PTPN18: variants seen among roughly 807,000 people sequenced by gnomAD.
PTPN18 encodes tyrosine-protein phosphatase non-receptor type 18.
In PTPN18, 65 loss-of-function variants were observed where a neutral mutation model predicts 65.4. That is an observed-to-expected ratio of 0.99 (90% CI 0.81 to 1.22). PTPN18 has a LOEUF of 1.22. Ranked by LOEUF, PTPN18 falls within the 50% of genes most tolerant of loss-of-function variation. The pLI is 0.00. For missense variants in PTPN18, 616 were observed against 646.5 expected, an observed-to-expected ratio of 0.95 and a Z score of 0.51; for synonymous variants, 255 against 267.8, an observed-to-expected ratio of 0.95 and a Z score of 0.47.
Position 130,374,830 on chromosome 2 carries a change from A to G in PTPN18, c.*1606A>G. 2.5e-6 allele frequency: 1 copy of G among 407,958 alleles called. No individual in the cohort carries two copies. The highest frequency in any genetic ancestry group is 5.0e-6 in the Non-Finnish European group (1 of 201,746). 25.3% of individuals were successfully genotyped at this position (407,958 alleles called of 1,614,324 possible). A position where few individuals can be genotyped will look rare whatever the true frequency, so the allele number is the denominator to read the frequency against. On this transcript the variant is annotated 3_prime_UTR_variant, in exon 15 of 15. Coordinates refer to ENST00000175756, the MANE Select transcript of PTPN18 (RefSeq NM_014369.4). ...CATGGTCGATCTCAAGTGCCTTGGC[A>G]TGAACTCCACTCTCCTGCAGCCTTC...
At chr2:130,370,831 AT>A in intron 10 of PTPN18, 43 bp from the exon 11 acceptor site, 5 of 1,612,292 alleles carry the variant, frequency 3.1e-6, no homozygotes, top group Non-Finnish European at 4.2e-6. Context: ...CACTGCTGTC[AT>A]TTGCCCCTGC....
At chr2:130,371,891 A>C in intron 12 of PTPN18, 1 of 239,726 alleles carries the variant, frequency 4.2e-6, no homozygotes, top group Non-Finnish European at 8.1e-6. Context: ...GGTGCTGCGG[A>C]CATGGGATTG....
At chr2:130,357,712 T>C (rs1389855134) in intron 1 of PTPN18, among the ~76,000 whole-genome samples, 2 of 151,960 alleles carry the variant, frequency 1.3e-5, no homozygotes, top group African/African-American at 2.4e-5. Flanking sequence ...AAAAATTAGC[T>C]GGGCGTGGTG....
chr2:130,372,032 T>C, intron 12 of PTPN18: 1 of 519,076 alleles, frequency 1.9e-6, no homozygotes, highest in Non-Finnish European at 3.4e-6. Context: ...ACCAACACTC[T>C]GCCCCAAATT....
intron 1 of PTPN18, chr2:130,356,709 G>A (rs1679983045): frequency 2.3e-6 from 1 of 443,906 alleles, no homozygotes; most frequent in Admixed American, 2.4e-5. Flanking sequence ...TTCCCGTCCC[G>A]AATCCGCGTC....
chr2:130,372,530 C>A (rs1242864470), intron 13 of PTPN18, 47 bp downstream of exon 13: 5 of 1,400,514 alleles, frequency 3.6e-6, no homozygotes, highest in Non-Finnish European at 4.6e-6. Flanking sequence ...TGCTGTGATC[C>A]GCAGGGCGGA....
Position 130,373,079 on chromosome 2 carries a change from G to A in PTPN18, c.1316-78G>A, listed in dbSNP as rs1389829638. ...GAACCAGGAGGACCTGGAGGCGGGG[G>A]GATGGCCTTCTTCATGTCTGCCAGC... On this transcript the variant is annotated intron_variant, in intron 14 of 14. Transcript: ENST00000175756. The surrounding 1 kb of genome is among the most constrained non-coding windows in gnomAD (Gnocchi z 4.1). 1.9e-6 allele frequency: 3 copies of A among 1,542,064 alleles called. No homozygotes were observed. The highest frequency in any genetic ancestry group is 2.7e-6 in the Non-Finnish European group (3 of 1,129,794).
At position 130,369,646 on chromosome 2, in the gene PTPN18, A is replaced by T. The variant is rs143503219; in HGVS notation, c.484-119A>T. The stretch of plus-strand genomic sequence containing the variant: ...GAAAGTTTGGGCTATATGAATTTTT[A>T]AAATGTTTTCTGTATTTGATTTTTT... On this transcript the variant is annotated intron_variant, in intron 6 of 14. Transcript: ENST00000175756. 183 of 1,106,596 alleles carry T rather than the reference A, an allele frequency of 1.7e-4. No individual in the cohort carries two copies. The African/African-American group carries it at 2.7e-3, about 17-fold the overall frequency. 68.5% of individuals were successfully genotyped at this position (1,106,596 alleles called of 1,614,324 possible).
At chr2:130,357,856 A>C (rs1176627928) in intron 1 of PTPN18, among the ~76,000 whole-genome samples, 4 of 76,420 alleles carry the variant, frequency 5.2e-5, no homozygotes, top group African/African-American at 4.0e-4. Context: ...ACTCCATCTC[A>C]AAAAAAAAAA....
chr2:130,363,855 C>T (rs1028273072), intron 5 of PTPN18, among the ~76,000 whole-genome samples: 2 of 151,836 alleles, frequency 1.3e-5, no homozygotes, highest in African/African-American at 2.4e-5. Flanking sequence ...GAGGAAGTGC[C>T]AAACTGTTTT....
chr2:130,362,398 G>T, intron 5 of PTPN18: 2 of 250,514 alleles, frequency 8.0e-6, no homozygotes, highest in South Asian at 3.6e-5. Flanking sequence ...TGCTCTGTTT[G>T]TTCTTTTCTT....
In PTPN18 at chr2:130,358,848, A is replaced by G. The variant is rs1680083317; in HGVS notation, c.94-19A>G. The G allele has an allele frequency of 6.3e-7, 1 of 1,595,030 alleles. No individual in the cohort carries two copies. The highest frequency in any genetic ancestry group is 1.3e-5 in the African/African-American group (1 of 74,330). On this transcript the variant is annotated intron_variant, in intron 1 of 14. Coordinates refer to ENST00000175756, the MANE Select transcript of PTPN18 (RefSeq NM_014369.4). ...TCCTGTCTTCTCCCCTCCCTGACCCACTCATAATGCTCTACCAGGACATCC... is the reference window on the plus strand; with the variant it reads ...TCCTGTCTTCTCCCCTCCCTGACCCGCTCATAATGCTCTACCAGGACATCC...
At chr2:130,365,874 C>T (rs973450318) in intron 5 of PTPN18, among the ~76,000 whole-genome samples, 1 of 152,132 alleles carries the variant, frequency 6.6e-6, no homozygotes, top group Admixed American at 6.5e-5. Context: ...AATTAATTGG[C>T]CATAAATATA....
rs746082505 is a variant in PTPN18 at position 130,359,542 on chromosome 2, C to T, written c.375+50C>T. ...ATGGTGGGGTCAACATCTAAGTACC[C>T]CCTCGGCAGTTTCCCTGGCCCCCTC... On this transcript the variant is annotated intron_variant, in intron 4 of 14. Coordinates refer to ENST00000175756, the MANE Select transcript of PTPN18 (RefSeq NM_014369.4). 1.9e-6 allele frequency: 3 copies of T among 1,612,568 alleles called. No individual in the cohort carries two copies. In the South Asian group the frequency reaches 3.3e-5, roughly 18 times the overall value.
Position 130,369,163 on chromosome 2 carries a change from C to T in PTPN18, c.445C>T (p.Gln149Ter), listed in dbSNP as rs1308214489. 1.9e-6 allele frequency: 3 copies of T among 1,613,366 alleles called. No homozygotes were observed. The highest frequency in any genetic ancestry group is 2.5e-6 in the Non-Finnish European group (3 of 1,179,658). ...GTGTGAGCGGTACTGGGCCCAGGAGCAGGAGCCACTGCAGACTGGGCTTTT... is the reference window on the plus strand; with the variant it reads ...GTGTGAGCGGTACTGGGCCCAGGAGTAGGAGCCACTGCAGACTGGGCTTTT... The part of the protein sequence containing the change: ...KRCERYWAQE[Q>*]EPLQTGLFCI... The change falls in exon 6 of 15, where the codon CAG (glutamine) becomes TAG (stop). Residue 149 changes from glutamine (Q) to a stop codon, truncating the protein, a stop_gained. Coordinates refer to ENST00000175756, the MANE Select transcript of PTPN18 (RefSeq NM_014369.4). LOFTEE classifies it high-confidence loss of function.
At position 130,369,208 on chromosome 2, in the gene PTPN18, T is replaced by C; in HGVS notation, c.483+7T>C. On this transcript the variant is annotated splice_region_variant and intron_variant, in intron 6 of 14. Transcript: ENST00000175756. ...GCTTTTCTGCATCACTCTGGTGAGC[T>C]GTGGGAGTTTTCAAGGAAGATTCCC... 6.2e-7 allele frequency: 1 copy of C among 1,610,928 alleles called. No homozygotes were observed. The highest frequency in any genetic ancestry group is 1.7e-5 in the Admixed American group (1 of 59,952).
At chr2:130,372,823 G>A in intron 13 of PTPN18, 50 bp from the exon 14 acceptor site, 2 of 1,602,594 alleles carry the variant, frequency 1.2e-6, no homozygotes, top group Non-Finnish European at 1.7e-6. Flanking sequence ...GGGGTCTTGG[G>A]ACTCCCTGGG....
At chr2:130,368,937 G>T in intron 5 of PTPN18, 196 bp from the exon 6 acceptor site, 1 of 542,866 alleles carries the variant, frequency 1.8e-6, no homozygotes, top group Non-Finnish European at 3.3e-6. Context: ...TCCCCTGCAT[G>T]GTCAGCAGCG....
chr2:130,359,959 A>T, intron 5 of PTPN18: 2 of 371,540 alleles, frequency 5.4e-6, no homozygotes, highest in Admixed American at 4.0e-5. Context: ...CACTCTAACA[A>T]CTCTGGTCTC....
Sources: allele counts gnomAD v4.1 joint callset (sites outside exome capture counted in the v4.1 genomes callset), GRCh38; gene constraint gnomAD v4.1.1; non-coding constraint Gnocchi (gnomAD v3.1); transcripts MANE v1.5; gene names NCBI Gene and HGNC (gene_info 2026-07-23, HGNC 2026-07-21).